NOX5: variants seen among roughly 807,000 people sequenced by gnomAD.
NOX5 encodes the protein NADPH oxidase, EF-hand calcium binding domain 5.
Under a neutral mutation model 85.7 loss-of-function variants are expected in NOX5, and 76 were observed. The observed-to-expected ratio is 0.89, with a 90% CI of 0.74 to 1.07. The LOEUF (loss-of-function observed/expected upper bound fraction) is 1.07, where lower values mean the gene tolerates loss of function less well. NOX5 is among the 50% of genes least tolerant of loss of function. NOX5 has a pLI of 0.00. For synonymous variants in NOX5, 405 were observed against 401.4 expected (o/e 1.01, Z -0.11); for missense variants, 973 against 999.5 (o/e 0.97, Z 0.36).
At chr15:69,053,687 AAC>A (rs2050776647) in intron 14 of NOX5, among the ~76,000 whole-genome samples, 1 of 152,206 alleles carries the variant, frequency 6.6e-6, no homozygotes. Flanking sequence ...GGCTATCTCA[AAC>A]ACAGCTGGAT....
At chr15:69,022,911 G>A in intron 1 of NOX5, 1 of 472,040 alleles carries the variant, frequency 2.1e-6, no homozygotes, top group East Asian at 6.2e-5. Flanking sequence ...TGAAAAGGAT[G>A]TCTAAGTAGG....
chr15:69,048,841 G>C (rs1367912477), intron 13 of NOX5, 118 bp from the exon 14 acceptor site: 1 of 633,246 alleles, frequency 1.6e-6, no homozygotes, highest in Non-Finnish European at 2.8e-6. Flanking sequence ...CCTTAAATGG[G>C]TATCTGAATG....
rs774536693 is a variant in NOX5 at position 69,049,043 on chromosome 15, G to A, written c.1984G>A (p.Glu662Lys). 2.7e-5 allele frequency: 43 copies of A among 1,611,524 alleles called. No homozygotes were observed. Among genetic ancestry groups the A allele is most frequent in the East Asian group, 6.7e-5 (3 of 44,876 alleles). ...GACTAAACTGGAGATGGACCAGGCCGAGGAGGCTCAATACGGTAAGAGAGG... is the reference window on the plus strand; with the variant it reads ...GACTAAACTGGAGATGGACCAGGCCAAGGAGGCTCAATACGGTAAGAGAGG... Reference protein sequence around the residue: ...LLTKLEMDQAEEAQYGRFLEL... With the variant: ...LLTKLEMDQAKEAQYGRFLEL... Residue 662 changes from glutamate (E) to lysine (K), a missense_variant, in exon 14 of 16, where the codon GAG (glutamate) becomes AAG (lysine). Physicochemically the swap from Glu to Lys is moderately conservative, Grantham distance 56. Transcript: ENST00000388866.
chr15:69,044,804 G>T (rs2050641537), intron 10 of NOX5, among the ~76,000 whole-genome samples: 1 of 152,198 alleles, frequency 6.6e-6, no homozygotes, highest in African/African-American at 2.4e-5. Flanking sequence ...CATTTTTAAA[G>T]CTAACATTAT....
chr15:69,017,023 T>A (rs1465321649), intron 1 of NOX5, among the ~76,000 whole-genome samples: 1 of 152,106 alleles, frequency 6.6e-6, no homozygotes, highest in Non-Finnish European at 1.5e-5. Flanking sequence ...ACCCTTTAAG[T>A]CTGATGAGAA....
chr15:69,035,096 G>A (rs887902242), intron 5 of NOX5, among the ~76,000 whole-genome samples: 14 of 151,982 alleles, frequency 9.2e-5, no homozygotes, highest in African/African-American at 3.4e-4. Context: ...AAGCATAGAT[G>A]TTTCTCATGT....
chr15:69,014,730 GAGA>G lies in NOX5; in HGVS notation c.-2_1del. ...CTGGGACCTGTGATCTAGAAGACAG[GAGA>G]AGATGAACACATCTGGAGACCCAGC... On this transcript the variant is annotated 5_prime_UTR_variant, in exon 1 of 16. Coordinates refer to ENST00000388866, the MANE Select transcript of NOX5 (RefSeq NM_024505.4). 6.4e-7 allele frequency: 1 copy of G among 1,550,634 alleles called. No individual in the cohort carries two copies. Among genetic ancestry groups the G allele is most frequent in the Non-Finnish European group, 8.7e-7 (1 of 1,146,982 alleles).
intron 14 of NOX5, among the ~76,000 whole-genome samples, chr15:69,049,612 T>C (rs1022098893): frequency 6.6e-6 from 1 of 152,136 alleles, no homozygotes; most frequent in African/African-American, 2.4e-5. Context: ...TATTCATATT[T>C]TATAAAAATA....
At chr15:69,022,944 A>C in intron 1 of NOX5, 1 of 508,090 alleles carries the variant, frequency 2.0e-6, no homozygotes, top group Admixed American at 2.1e-5. Flanking sequence ...TCTTCTTCCC[A>C]TTCACCAGCC....
At position 69,057,841 on chromosome 15, in the gene NOX5, C is replaced by T. The variant is rs1459135349; in HGVS notation, c.*1145C>T. ...GCTTTCGTGCATCTACATCATTTCTCTTTATCCTGGCTCCCTCTGTCTCTG... is the reference window on the plus strand; with the variant it reads ...GCTTTCGTGCATCTACATCATTTCTTTTTATCCTGGCTCCCTCTGTCTCTG... On this transcript the variant is annotated 3_prime_UTR_variant, in exon 16 of 16. Coordinates refer to ENST00000388866, the MANE Select transcript of NOX5 (RefSeq NM_024505.4). 1 of 152,520 alleles carries T rather than the reference C, an allele frequency of 6.6e-6. No homozygotes were observed. Among genetic ancestry groups the T allele is most frequent in the Admixed American group, 6.5e-5 (1 of 15,308 alleles). 9.4% of individuals were successfully genotyped at this position (152,520 alleles called of 1,614,324 possible). A position where few individuals can be genotyped will look rare whatever the true frequency, so the allele number is the denominator to read the frequency against.
chr15:69,038,832 T>G, intron 8 of NOX5, 25 bp from the exon 9 acceptor site: 1 of 1,614,098 alleles, frequency 6.2e-7, no homozygotes, highest in Non-Finnish European at 8.5e-7. Context: ...GCAGGAATGA[T>G]GCAGATCTCC....
chr15:69,033,261 A>G lies in NOX5; in HGVS notation c.839A>G (p.Asp280Gly), dbSNP rs142132873. 1.9e-6 allele frequency: 3 copies of G among 1,595,162 alleles called. No individual in the cohort carries two copies. Among genetic ancestry groups the G allele is most frequent in the Non-Finnish European group, 2.5e-6 (3 of 1,178,574 alleles). ...AKGCGQCLNF[D>G]CSFIAVLMLR... ...GGCTGCGGCCAGTGCCTCAACTTCG[A>G]CTGCAGCTTCATCGCGGTAGGCTCT... Residue 280 changes from aspartate (D) to glycine (G), a missense_variant, in exon 5 of 16, where the codon GAC becomes GGC. Asp to Gly is a moderately conservative substitution (Grantham distance 94). Transcript: ENST00000388866.
intron 5 of NOX5, among the ~76,000 whole-genome samples, chr15:69,033,817 C>T (rs768533444): frequency 1.3e-5 from 2 of 151,384 alleles, no homozygotes; most frequent in Non-Finnish European, 2.9e-5. Flanking sequence ...GCCTCAGCCT[C>T]CCCGTAGCTG....
chr15:69,037,395 T>C (rs1345112982), intron 8 of NOX5, among the ~76,000 whole-genome samples, 185 bp downstream of exon 8: 1 of 152,080 alleles, frequency 6.6e-6, no homozygotes, highest in Non-Finnish European at 1.5e-5. Context: ...AGGGAAGCTT[T>C]AGGAAGATGA....
chr15:69,022,908 G>C, intron 1 of NOX5: 5 of 465,474 alleles, frequency 1.1e-5, no homozygotes, highest in South Asian at 8.7e-5. Context: ...TCCTGAAAAG[G>C]ATGTCTAAGT....
chr15:69,051,640 G>T (rs950968711), intron 14 of NOX5, among the ~76,000 whole-genome samples: 24 of 152,114 alleles, frequency 1.6e-4, no homozygotes, highest in African/African-American at 4.8e-4. Flanking sequence ...CTCCCAAAGT[G>T]CTGGGATTAC....
rs376970496 is a variant in NOX5, at chr15:69,028,303, T to C, written c.263T>C (p.Leu88Pro). 3.7e-6 allele frequency: 6 copies of C among 1,613,690 alleles called. No homozygotes were observed. In the African/African-American group the frequency reaches 5.3e-5, roughly 14 times the overall value. The stretch of plus-strand genomic sequence containing the variant: ...CAGGAGCTGCAGGAGGCACTGACCC[T>C]GCTCATCCATGGCAGCCCCATGGAC... Reference protein sequence around the residue: ...TLQELQEALTLLIHGSPMDKL... With the variant: ...TLQELQEALTPLIHGSPMDKL... The change falls in exon 3 of 16, where the codon CTG becomes CCG. Residue 88 changes from leucine (L) to proline (P), a missense_variant. Physicochemically the swap from Leu to Pro is moderately conservative, Grantham distance 98. Coordinates refer to ENST00000388866, the MANE Select transcript of NOX5 (RefSeq NM_024505.4).
At chr15:69,022,292 C>A in intron 1 of NOX5, 2 of 189,530 alleles carry the variant, frequency 1.1e-5, no homozygotes, top group South Asian at 2.8e-4. Context: ...ATGGCTTACC[C>A]AAGGTGACCT....
intron 14 of NOX5, among the ~76,000 whole-genome samples, chr15:69,054,482 C>T (rs1218519817): frequency 2.0e-5 from 3 of 152,276 alleles, no homozygotes; most frequent in Admixed American, 6.5e-5. Context: ...CATTCAAGAC[C>T]CTTCTCATTC....
Sources: gnomAD v4.1 joint callset for allele counts (sites outside exome capture counted in the v4.1 genomes callset) on GRCh38, gnomAD v4.1.1 for gene constraint, MANE v1.5 for transcripts, NCBI Gene and HGNC (gene_info 2026-07-23, HGNC 2026-07-21) for gene names.